The following EMC1 variants were observed in gnomAD, a reference collection of about 807,000 sequenced individuals.
EMC1 encodes ER membrane protein complex subunit 1.
In EMC1, 103 loss-of-function variants were observed where a neutral mutation model predicts 128.8. The observed-to-expected ratio is 0.80, with a 90% confidence interval of 0.68 to 0.94. The LOEUF is 0.94. Among genes scored for constraint, EMC1 ranks in the 40% least tolerant of loss-of-function variants. EMC1 has a pLI of 0.00. For synonymous variants in EMC1, 442 were observed against 490.4 expected, an observed-to-expected ratio of 0.90 and a Z score of 1.30; for missense variants, 1,083 against 1,250.6, an observed-to-expected ratio of 0.87 and a Z score of 2.02.
At position 19,222,664 on chromosome 1, in the gene EMC1, G is replaced by A; in HGVS notation, c.2547C>T (p.Ala849=). 1 of 1,614,108 alleles carries A rather than the reference G, an allele frequency of 6.2e-7. No individual in the cohort carries two copies. Residue 849 remains alanine, a synonymous_variant, in exon 20 of 23, where the codon GCC becomes GCT. Coordinates refer to ENST00000477853, the MANE Select transcript of EMC1 (RefSeq NM_015047.3). ...IFPSSISAME[A]TITERGITSR... The stretch of plus-strand genomic sequence containing the variant: ...TGGTGATGCCCCGTTCGGTGATGGT[G>A]GCCTCCATGGCACTGATGGAGGACG...
intron 13 of EMC1, among the ~76,000 whole-genome samples, 170 bp downstream of exon 13, chr1:19,234,960 T>C (rs987189510): frequency 6.6e-6 from 1 of 152,172 alleles, no homozygotes; most frequent in African/African-American, 2.4e-5. Flanking sequence ...AATGGTTTCA[T>C]AAACCATATG....
chr1:19,219,913 T>G (rs370639188), intron 21 of EMC1: 39 of 549,270 alleles, frequency 7.1e-5, no homozygotes, highest in African/African-American at 6.8e-4. Context: ...GAGATCTAGA[T>G]TCCTACTTTG....
chr1:19,250,458 T>C (rs2093653549), intron 1 of EMC1, among the ~76,000 whole-genome samples: 1 of 152,140 alleles, frequency 6.6e-6, no homozygotes, highest in Non-Finnish European at 1.5e-5. Context: ...ACATATGACA[T>C]TGTGAACAGT....
intron 12 of EMC1, 59 bp downstream of exon 12, chr1:19,237,083 T>C (rs906554914): frequency 2.4e-6 from 3 of 1,235,744 alleles, no homozygotes; most frequent in Middle Eastern, 1.9e-4. Flanking sequence ...AACAGTCTGA[T>C]TGGAACACAT....
intron 20 of EMC1, 176 bp from the exon 21 acceptor site, chr1:19,221,024 T>G: frequency 2.1e-6 from 1 of 466,864 alleles, no homozygotes; most frequent in African/African-American, 2.0e-5. Flanking sequence ...TGAATGAAGG[T>G]TCTCACTTTT....
intron 3 of EMC1, 94 bp from the exon 4 acceptor site, chr1:19,243,801 G>T: frequency 6.9e-7 from 1 of 1,456,580 alleles, no homozygotes; most frequent in Non-Finnish European, 9.6e-7. Context: ...TCTGATTTCT[G>T]GATGCAAATA....
intron 13 of EMC1, 43 bp downstream of exon 13, chr1:19,235,087 G>A (rs772407426): frequency 2.5e-6 from 4 of 1,602,166 alleles, no homozygotes; most frequent in Non-Finnish European, 2.6e-6. Flanking sequence ...TTCCAGACTG[G>A]CCCCTCCAGC....
chr1:19,234,188 G>C, intron 13 of EMC1: 1 of 985,084 alleles, frequency 1.0e-6, no homozygotes, highest in Non-Finnish European at 1.2e-6. Context: ...ACCTTGAATT[G>C]CTGGATCCAG....
At chr1:19,228,790 A>G (rs2093497661) in intron 17 of EMC1, among the ~76,000 whole-genome samples, 1 of 152,158 alleles carries the variant, frequency 6.6e-6, no homozygotes, top group Admixed American at 6.5e-5. Flanking sequence ...GGTGGCTCAC[A>G]CCTGTAATCC....
chr1:19,239,215 T>C lies in EMC1; in HGVS notation c.1026+16A>G. ...AAGGAAAATCCCAAGTGCTGACTGT[T>C]GTTCTCAATACTCACCACTTCATTC... On this transcript the variant is annotated intron_variant, in intron 9 of 22. Coordinates refer to ENST00000477853, the MANE Select transcript of EMC1 (RefSeq NM_015047.3). 1 of 1,610,930 alleles carries C rather than the reference T, an allele frequency of 6.2e-7. No individual in the cohort carries two copies. Among genetic ancestry groups the C allele is most frequent in the Non-Finnish European group, 8.5e-7 (1 of 1,177,136 alleles).
intron 17 of EMC1, among the ~76,000 whole-genome samples, chr1:19,227,761 G>A (rs1284425862): frequency 1.3e-5 from 2 of 152,102 alleles, no homozygotes; most frequent in Non-Finnish European, 2.9e-5. Context: ...CTAGCCACTC[G>A]GGAGGCTGAG....
rs777808381 is a variant in EMC1 at position 19,242,317 on chromosome 1, G to A, written c.509+28C>T. On this transcript the variant is annotated intron_variant, in intron 5 of 22. Coordinates refer to ENST00000477853, the MANE Select transcript of EMC1 (RefSeq NM_015047.3). ...AGCTCCTAGAGAGTAGAACGAGGCA[G>A]CTATTGCCTGTGAGCAGGCAGCCTT... 4 of 1,613,630 alleles carry A rather than the reference G, an allele frequency of 2.5e-6. No homozygotes were observed. The East Asian group carries it at 6.7e-5, about 27-fold the overall frequency.
Position 19,250,218 on chromosome 1 carries a change from CAAAAAAAAAAAAAA to C in EMC1, c.95+1183_95+1196del, listed in dbSNP as rs55743743. ...CTGGGCAACAAGAGCAAAACTGTCTCAAAAAAAAAAAAAAAAAAAAAAAAAAAAAGTCTTAAACA... is the reference window on the plus strand; with the variant it reads ...CTGGGCAACAAGAGCAAAACTGTCTCAAAAAAAAAAAAAAAGTCTTAAACA... On this transcript the variant is annotated intron_variant, in intron 1 of 22. Transcript: ENST00000477853. Among the ~76,000 whole-genome samples, 23 of 48,252 alleles carry C rather than the reference CAAAAAAAAAAAAAA, an allele frequency of 4.8e-4. No homozygotes were observed. In the South Asian group the frequency reaches 0.011, roughly 23 times the overall value. 31.7% of individuals were successfully genotyped at this position (48,252 alleles called of 152,430 possible).
Position 19,226,573 on chromosome 1 carries a change from G to C in EMC1, c.2202+740C>G, listed in dbSNP as rs191796267. Among the ~76,000 whole-genome samples, 847 of 151,760 alleles carry C rather than the reference G, an allele frequency of 5.6e-3. 5 individuals are homozygous for C. Among genetic ancestry groups the C allele is most frequent in the Non-Finnish European group, 8.9e-3 (607 of 67,922 alleles). ...AAAAAAAATTTTTTTTGTTTGTTTG[G>C]AGACAGGGTCTCACTCTGTCACCCA... On this transcript the variant is annotated intron_variant, in intron 18 of 22. Coordinates refer to ENST00000477853, the MANE Select transcript of EMC1 (RefSeq NM_015047.3).
intron 18 of EMC1, 52 bp downstream of exon 18, chr1:19,227,261 T>TTTTCCTGATACGAAAGCCCTTGC: frequency 6.2e-7 from 1 of 1,607,388 alleles, no homozygotes; most frequent in Non-Finnish European, 8.5e-7. Context: ...GAAGCCCTTG[T>TTTTCCTGATACGAAAGCCCTTGC]TTTCCTGATT....
At chr1:19,227,515 A>C (rs2093484742) in intron 17 of EMC1, 65 bp from the exon 18 acceptor site, 1 of 1,583,614 alleles carries the variant, frequency 6.3e-7, no homozygotes, top group South Asian at 1.1e-5. Flanking sequence ...AGCTGGAGTT[A>C]GACACATCCT....
chr1:19,246,444 TC>T (rs1156464462), intron 1 of EMC1, among the ~76,000 whole-genome samples: 6 of 151,984 alleles, frequency 3.9e-5, no homozygotes, highest in Non-Finnish European at 2.9e-5. Flanking sequence ...AAGTAATGCC[TC>T]CTTATTACAG....
chr1:19,235,599 G>A (rs1558104113), intron 12 of EMC1, among the ~76,000 whole-genome samples: 1 of 152,232 alleles, frequency 6.6e-6, no homozygotes, highest in Non-Finnish European at 1.5e-5. Context: ...TACTCGGGAG[G>A]CTGAGGCAGG....
chr1:19,243,611 T>C lies in EMC1; in HGVS notation c.380+3A>G, dbSNP rs751751619. ...TCAAGATAAAATCCAGTTTCTCCCC[T>C]ACCTGCCACTGTCCAGGGTTATCTC... On this transcript the variant is annotated splice_donor_region_variant and intron_variant, in intron 4 of 22. Coordinates refer to ENST00000477853, the MANE Select transcript of EMC1 (RefSeq NM_015047.3). 1 of 1,612,866 alleles carries C rather than the reference T, an allele frequency of 6.2e-7. No individual in the cohort carries two copies. The highest frequency in any genetic ancestry group is 8.5e-7 in the Non-Finnish European group (1 of 1,178,944).
Sources: allele counts gnomAD v4.1 joint callset (sites outside exome capture counted in the v4.1 genomes callset), GRCh38; gene constraint gnomAD v4.1.1; transcripts MANE v1.5; gene names NCBI Gene and HGNC (gene_info 2026-07-23, HGNC 2026-07-21).